PTPRD: variants seen among roughly 807,000 people sequenced by gnomAD.
The protein encoded by PTPRD is protein tyrosine phosphatase receptor type D.
In PTPRD, 34 loss-of-function variants were observed where a neutral mutation model predicts 214.5. That is an observed-to-expected ratio of 0.16 (90% CI 0.12 to 0.21). The LOEUF (loss-of-function observed/expected upper bound fraction) is 0.21. Among genes scored for constraint, PTPRD ranks in the 10% least tolerant of loss-of-function variants. The probability of loss-of-function intolerance (pLI) is 1.00; values close to 1 mark genes in which losing one functional copy is unlikely to be tolerated. For synonymous variants in PTPRD, 1,128 were observed against 845.7 expected (o/e 1.33, Z -5.79); for missense variants, 2,545 against 2,398.7 (o/e 1.06, Z -1.27).
At chr9:10,522,214 G>C (rs1482766463) in intron 2 of PTPRD, among the ~76,000 whole-genome samples, 1 of 152,126 alleles carries the variant, frequency 6.6e-6, no homozygotes, top group Non-Finnish European at 1.5e-5. Flanking sequence ...TTAACACTAA[G>C]GAGTCTCTGA....
intron 13 of PTPRD, among the ~76,000 whole-genome samples, chr9:8,634,520 C>T (rs2096366564): frequency 1.3e-5 from 2 of 152,186 alleles, no homozygotes; most frequent in South Asian, 4.2e-4. Context: ...ATGTCCACTT[C>T]AATCTTTGTG....
intron 7 of PTPRD, among the ~76,000 whole-genome samples, chr9:9,681,738 T>A (rs1390277098): frequency 6.6e-6 from 1 of 151,806 alleles, no homozygotes; most frequent in Non-Finnish European, 1.5e-5. Flanking sequence ...GAAAATTGAA[T>A]GTTGAGACTA....
At chr9:8,948,237 C>T (rs1039083751) in intron 11 of PTPRD, among the ~76,000 whole-genome samples, 1 of 148,362 alleles carries the variant, frequency 6.7e-6, no homozygotes, top group African/African-American at 2.5e-5. Context: ...CCAGGATAGT[C>T]TCCATCTCTT....
At chr9:9,842,323 G>C (rs7850877) in intron 5 of PTPRD, among the ~76,000 whole-genome samples, 1 of 25,566 alleles carries the variant, frequency 3.9e-5, no homozygotes, top group South Asian at 1.6e-3. Flanking sequence ...TTTTTTTTTT[G>C]TCATGGACAC....
chr9:9,178,562 T>C (rs894413737), intron 10 of PTPRD, among the ~76,000 whole-genome samples: 1 of 152,108 alleles, frequency 6.6e-6, no homozygotes, highest in African/African-American at 2.4e-5. Context: ...TTAGTTCTAA[T>C]ATTCTCTGAC....
At chr9:8,646,091 C>T (rs1241721936) in intron 12 of PTPRD, among the ~76,000 whole-genome samples, 1 of 151,732 alleles carries the variant, frequency 6.6e-6, no homozygotes, top group East Asian at 1.9e-4. Flanking sequence ...GCTACAGGTG[C>T]CTGAACCCCA....
intron 3 of PTPRD, among the ~76,000 whole-genome samples, chr9:10,057,685 T>C (rs947588595): frequency 1.6e-4 from 25 of 151,548 alleles, no homozygotes; most frequent in African/African-American, 5.6e-4. Context: ...TCTACTAAAA[T>C]ACAAAAAAAT....
intron 11 of PTPRD, among the ~76,000 whole-genome samples, chr9:8,899,511 C>G (rs1030486680): frequency 6.6e-6 from 1 of 152,076 alleles, no homozygotes; most frequent in Non-Finnish European, 1.5e-5. Context: ...TCAGAAAGGT[C>G]TCAAAGCAGA....
At position 8,661,284 on chromosome 9, in the gene PTPRD, C is replaced by A. The variant is rs113108054; in HGVS notation, c.65-24440G>T. The stretch of plus-strand genomic sequence containing the variant: ...TCGCCTCTTCATCATGGTCAATACA[C>A]AGTTCAGCCCAGGAATATGATTCAC... On this transcript the variant is annotated intron_variant, in intron 12 of 45. Coordinates refer to ENST00000381196, the MANE Select transcript of PTPRD (RefSeq NM_002839.4). 1.9e-3 allele frequency among the ~76,000 whole-genome samples: 290 copies of A among 152,178 alleles called. 9 individuals are homozygous for A. Among genetic ancestry groups the A allele is most frequent in the African/African-American group, 6.6e-3 (275 of 41,486 alleles).
At chr9:9,297,855 A>G (rs1251117106) in intron 9 of PTPRD, among the ~76,000 whole-genome samples, 1 of 151,702 alleles carries the variant, frequency 6.6e-6, no homozygotes, top group Non-Finnish European at 1.5e-5. Flanking sequence ...AGAGATAACT[A>G]TGTGTCATCT....
chr9:8,907,659 A>G (rs146401713), intron 11 of PTPRD, among the ~76,000 whole-genome samples: 104 of 151,530 alleles, frequency 6.9e-4, no homozygotes, highest in African/African-American at 2.3e-3. Flanking sequence ...TACAATAACA[A>G]AGATGAGAAA....
chr9:10,495,704 G>A (rs1332022683), intron 2 of PTPRD, among the ~76,000 whole-genome samples: 2 of 151,754 alleles, frequency 1.3e-5, no homozygotes, highest in Non-Finnish European at 2.9e-5. Context: ...GAGACTGTAT[G>A]AAACATTGTA....
chr9:8,656,954 T>C (rs1217317858), intron 12 of PTPRD, among the ~76,000 whole-genome samples: 1 of 152,128 alleles, frequency 6.6e-6, no homozygotes, highest in Non-Finnish European at 1.5e-5. Flanking sequence ...ACATTACCAA[T>C]AGTAAGTTGT....
chr9:9,156,301 T>A (rs1397794983), intron 10 of PTPRD, among the ~76,000 whole-genome samples: 1 of 152,060 alleles, frequency 6.6e-6, no homozygotes, highest in Non-Finnish European at 1.5e-5. Flanking sequence ...ATAGCTGACT[T>A]CCTAATTTTT....
intron 8 of PTPRD, among the ~76,000 whole-genome samples, chr9:9,435,867 T>A (rs1294305478): frequency 6.6e-6 from 1 of 152,204 alleles, no homozygotes; most frequent in Non-Finnish European, 1.5e-5. Context: ...GCAAAAGATT[T>A]AATATTGTTG....
At chr9:10,305,012 T>G (rs1224853365) in intron 3 of PTPRD, among the ~76,000 whole-genome samples, 1 of 152,068 alleles carries the variant, frequency 6.6e-6, no homozygotes, top group Non-Finnish European at 1.5e-5. Context: ...CAAACTATAC[T>G]ACAAGGCTAC....
At chr9:9,760,528 G>A (rs1330822145) in intron 6 of PTPRD, among the ~76,000 whole-genome samples, 8 of 146,058 alleles carry the variant, frequency 5.5e-5, no homozygotes, top group Non-Finnish European at 1.2e-4. Context: ...GGACTTATAT[G>A]TACAGCCTCC....
chr9:9,648,314 T>C (rs1222964233), intron 7 of PTPRD, among the ~76,000 whole-genome samples: 1 of 152,154 alleles, frequency 6.6e-6, no homozygotes, highest in Non-Finnish European at 1.5e-5. Flanking sequence ...ACTTTCCTAA[T>C]ATTACAAGGT....
At chr9:9,195,546 T>C (rs544374400) in intron 9 of PTPRD, among the ~76,000 whole-genome samples, 54 of 152,126 alleles carry the variant, frequency 3.5e-4, no homozygotes, top group African/African-American at 1.2e-3. Context: ...TAATACAAAG[T>C]TTTGAAATTT....
Sources: gnomAD v4.1 joint callset for allele counts (sites outside exome capture counted in the v4.1 genomes callset) on GRCh38, gnomAD v4.1.1 for gene constraint, MANE v1.5 for transcripts, NCBI Gene and HGNC (gene_info 2026-07-23, HGNC 2026-07-21) for gene names.